Variants in ZNF41 observed in about 807,000 individuals in gnomAD.
The protein encoded by ZNF41 is zinc finger protein 41.
Under a neutral mutation model 9.3 loss-of-function variants are expected in ZNF41, and 6 were observed. The ratio of observed to expected loss-of-function variants is 0.65; its 90% CI spans 0.35 to 1.28. The LOEUF is 1.28. Ranked by LOEUF, ZNF41 falls within the 50% of genes most tolerant of loss-of-function variation. ZNF41 has a pLI of 0.03. For missense variants in ZNF41, 523 were observed against 585.8 expected, an observed-to-expected ratio of 0.89 and a Z score of 1.11; for synonymous variants, 192 against 207.1, an observed-to-expected ratio of 0.93 and a Z score of 0.63.
Position 47,447,621 on chromosome X carries a change from T to C in ZNF41, c.2149A>G (p.Arg717Gly). Residue 717 changes from arginine to glycine, a missense_variant, in exon 5 of 5, where the codon AGA (arginine) becomes GGA (glycine). Arg to Gly is a moderately radical substitution (Grantham distance 125). Coordinates refer to ENST00000684689, the MANE Select transcript of ZNF41 (RefSeq NM_001324144.2). ...CCACATTTACTACATTCATAGTGTC[T>C]TTCTCCAGTATGAGACTTCTGATGT... ...NIHQKSHTGERHYECSKCGKA... is the reference protein window; with the variant it reads ...NIHQKSHTGEGHYECSKCGKA... The C allele has an allele frequency of 8.3e-7, 1 of 1,211,798 alleles. No homozygotes were observed. Among genetic ancestry groups the C allele is most frequent in the Non-Finnish European group, 1.1e-6 (1 of 895,314 alleles).
intron 2 of ZNF41, among the ~76,000 whole-genome samples, chrX:47,462,952 C>G (rs1352810154): frequency 2.9e-5 from 3 of 103,847 alleles, no homozygotes; most frequent in African/African-American, 7.1e-5. Flanking sequence ...TATATACACA[C>G]ACACACACAC....
At position 47,448,127 on chromosome X, in the gene ZNF41, T is replaced by C; in HGVS notation, c.1643A>G (p.Glu548Gly). ...LIKHQKTHTG[E>G]KPYKCNGCGK... ...ACAGCCATTGCACTTATAGGGTTTC[T>C]CTCCAGTGTGAGTTTTCTGGTGTTT... The change falls in exon 5 of 5, where the codon GAG becomes GGG. Residue 548 changes from glutamate (E) to glycine (G), a missense_variant. Physicochemically the swap from Glu to Gly is moderately conservative, Grantham distance 98 (BLOSUM62 -2). Transcript: ENST00000684689. 1 of 1,211,669 alleles carries C rather than the reference T, an allele frequency of 8.3e-7. No individual in the cohort carries two copies. Among genetic ancestry groups the C allele is most frequent in the Non-Finnish European group, 1.1e-6 (1 of 895,536 alleles).
At chrX:47,464,879 G>T (rs750815474) in intron 2 of ZNF41, among the ~76,000 whole-genome samples, 5 of 112,150 alleles carry the variant, frequency 4.5e-5, no homozygotes, top group Middle Eastern at 4.6e-3. Flanking sequence ...TTGACAGAAA[G>T]ATTTATTTAT....
At chrX:47,477,295 C>T (rs1017798471) in intron 1 of ZNF41, 3 of 110,466 alleles carry the variant, frequency 2.7e-5, no homozygotes, top group African/African-American at 9.9e-5. Flanking sequence ...TGGCGCCCGC[C>T]GCCACGCCCA....
At position 47,448,042 on chromosome X, in the gene ZNF41, C is replaced by T; in HGVS notation, c.1728G>A (p.Glu576=). The T allele has an allele frequency of 5.0e-6, 6 of 1,211,433 alleles. No homozygotes were observed. Among genetic ancestry groups the T allele is most frequent in the Non-Finnish European group, 6.7e-6 (6 of 895,445 alleles). ...CGCAGTCCTTGCATTCATAGTGTCT[C>T]TCTCCAATATGAGATTTCTGATGTA... The part of the protein sequence containing the change: ...LKIHQKSHIG[E]RHYECKDCGK... The change falls in exon 5 of 5, where the codon GAG becomes GAA. Residue 576 remains glutamate, a synonymous_variant. Transcript: ENST00000684689.
Position 47,467,658 on chromosome X carries a change from G to A in ZNF41, c.-177C>T. On this transcript the variant is annotated 5_prime_UTR_variant, in exon 2 of 5. Transcript: ENST00000684689. ...AGCCTGGCCCCCAGACTCTGCAGAG[G>A]CTCCAAGAAACCCTGGAAAGACAGT... The A allele has an allele frequency of 2.0e-6, 1 of 494,508 alleles. No individual in the cohort carries two copies. The highest frequency in any genetic ancestry group is 3.4e-6 in the Non-Finnish European group (1 of 297,936). The allele number at this position is 494,508 out of a possible 1,213,427, so 40.8% of individuals were successfully genotyped here.
chrX:47,472,526 C>A (rs2057223117), intron 1 of ZNF41, among the ~76,000 whole-genome samples: 1 of 102,035 alleles, frequency 9.8e-6, no homozygotes, highest in Non-Finnish European at 2.0e-5. Context: ...GCAACCTCCA[C>A]CTCCAGGGTT....
chrX:47,450,826 T>C (rs2147504546), intron 4 of ZNF41, among the ~76,000 whole-genome samples: 1 of 111,535 alleles, frequency 9.0e-6, no homozygotes, highest in Non-Finnish European at 1.9e-5. Flanking sequence ...GTGACAACAA[T>C]GCCCCAGGAG....
intron 1 of ZNF41, among the ~76,000 whole-genome samples, chrX:47,472,492 G>T (rs1162656998): frequency 1.1e-5 from 1 of 87,118 alleles, no homozygotes; most frequent in African/African-American, 4.6e-5. Flanking sequence ...AGCCTGGTGT[G>T]CAGTGGTGAG....
At chrX:47,469,330 A>AAAAAAAAAAAAAAAC (rs2057105104) in intron 1 of ZNF41, among the ~76,000 whole-genome samples, 1 of 87,292 alleles carries the variant, frequency 1.1e-5, no homozygotes, top group African/African-American at 3.9e-5. Flanking sequence ...AAAAAAAAAA[A>AAAAAAAAAAAAAAAC]AAAAAAAAAA....
At chrX:47,453,655 T>A (rs1432010728) in intron 4 of ZNF41, among the ~76,000 whole-genome samples, 2 of 112,370 alleles carry the variant, frequency 1.8e-5, no homozygotes, top group Non-Finnish European at 3.8e-5. Context: ...ATAATGCTCA[T>A]GACAAGAGAA....
chrX:47,476,750 A>G (rs1267593718), intron 1 of ZNF41: 3 of 109,922 alleles, frequency 2.7e-5, no homozygotes, highest in African/African-American at 6.6e-5. Context: ...TGGTTTGGCA[A>G]TTCTTCAAAA....
Position 47,447,652 on chromosome X carries a change from G to A in ZNF41, c.2118C>T (p.Leu706=), listed in dbSNP as rs998321176. 4.1e-6 allele frequency: 5 copies of A among 1,209,889 alleles called. No individual in the cohort carries two copies. The highest frequency in any genetic ancestry group is 1.8e-5 in the South Asian group (1 of 56,837). Residue 706 remains leucine (L), a synonymous_variant, in exon 5 of 5, where the codon CTC becomes CTT. Transcript: ENST00000684689. ...CGKTFTWKSR[L]NIHQKSHTGE... is the part of the protein sequence containing the mutation. ...CAGTATGAGACTTCTGATGTATATT[G>A]AGGCGTGACTTCCAGGTGAAGGTTT... is the stretch of plus-strand genomic sequence containing the variant.
intron 4 of ZNF41, among the ~76,000 whole-genome samples, chrX:47,453,759 T>C (rs1302225871): frequency 2.7e-5 from 3 of 111,711 alleles, no homozygotes; most frequent in Admixed American, 1.9e-4. Context: ...AATAGAATAA[T>C]TACAATTCAG....
intron 4 of ZNF41, among the ~76,000 whole-genome samples, chrX:47,449,996 A>G (rs927967867): frequency 3.3e-4 from 37 of 111,554 alleles, no homozygotes; most frequent in Admixed American, 3.3e-3. Context: ...CCACCACTTT[A>G]CTAAGCTCTC....
chrX:47,471,871 G>A (rs372972770), intron 1 of ZNF41, among the ~76,000 whole-genome samples: 1 of 111,619 alleles, frequency 9.0e-6, no homozygotes, highest in African/African-American at 3.2e-5. Flanking sequence ...AAAGATGCTC[G>A]ACTTCACCAG....
intron 1 of ZNF41, among the ~76,000 whole-genome samples, chrX:47,470,165 G>A (rs1317909298): frequency 9.1e-6 from 1 of 110,367 alleles, no homozygotes; most frequent in Non-Finnish European, 1.9e-5. Flanking sequence ...TGTAATCCTA[G>A]CACTTTGGGA....
chrX:47,469,693 C>T (rs775771428), intron 1 of ZNF41, among the ~76,000 whole-genome samples: 1 of 111,398 alleles, frequency 9.0e-6, no homozygotes, highest in Non-Finnish European at 1.9e-5. Flanking sequence ...TCCTGGCTAA[C>T]ACTGTGAAAC....
At chrX:47,481,503 T>C (rs2057471880) in intron 1 of ZNF41, among the ~76,000 whole-genome samples, 1 of 110,969 alleles carries the variant, frequency 9.0e-6, no homozygotes, top group South Asian at 3.8e-4. Context: ...AAAAAATTAG[T>C]GGGTGTGGCA....
Sources: gnomAD v4.1 joint callset for allele counts (sites outside exome capture counted in the v4.1 genomes callset) on GRCh38, gnomAD v4.1.1 for gene constraint, MANE v1.5 for transcripts, NCBI Gene and HGNC (gene_info 2026-07-23, HGNC 2026-07-21) for gene names.